The following PTPRT variants were observed in gnomAD, a reference collection of about 807,000 sequenced individuals.
PTPRT encodes the protein protein tyrosine phosphatase receptor type T.
A neutral mutation model predicts 176.8 loss-of-function variants in PTPRT; 56 were observed. The ratio of observed to expected loss-of-function variants is 0.32; its 90% confidence interval spans 0.26 to 0.40. The LOEUF (loss-of-function observed/expected upper bound fraction) is 0.40. Ranked by LOEUF, PTPRT falls within the 10% of genes least tolerant of loss-of-function variation. The probability of loss-of-function intolerance (pLI) is 1.00; values close to 1 mark genes in which losing one functional copy is unlikely to be tolerated. For synonymous variants in PTPRT, 783 were observed against 739.0 expected (o/e 1.06, Z -0.96); for missense variants, 1,540 against 1,908.2 (o/e 0.81, Z 3.60).
chr20:42,399,140 A>G (rs1439989463), intron 9 of PTPRT, among the ~76,000 whole-genome samples: 1 of 152,256 alleles, frequency 6.6e-6, no homozygotes, highest in Non-Finnish European at 1.5e-5. Flanking sequence ...CTATTAGTCA[A>G]AAAGATTCAC....
At chr20:43,064,354 T>C (rs1438769122) in intron 1 of PTPRT, among the ~76,000 whole-genome samples, 1 of 152,196 alleles carries the variant, frequency 6.6e-6, no homozygotes, top group Non-Finnish European at 1.5e-5. Context: ...TATAGTCCTC[T>C]GCCAGTCACA....
chr20:42,689,700 T>C (rs1171476654), intron 6 of PTPRT, among the ~76,000 whole-genome samples: 2 of 152,098 alleles, frequency 1.3e-5, no homozygotes, highest in Non-Finnish European at 2.9e-5. Context: ...ATCCTGGATA[T>C]GTAGTATCCT....
At chr20:42,848,869 G>A (rs1217420579) in intron 2 of PTPRT, among the ~76,000 whole-genome samples, 1 of 152,006 alleles carries the variant, frequency 6.6e-6, no homozygotes, top group East Asian at 1.9e-4. Flanking sequence ...TTGGGTTCTT[G>A]GTCATGAAGT....
chr20:42,673,796 T>C (rs1243712612), intron 7 of PTPRT, among the ~76,000 whole-genome samples: 1 of 152,200 alleles, frequency 6.6e-6, no homozygotes, highest in Non-Finnish European at 1.5e-5. Context: ...ATTCAGTCTA[T>C]AGCAATACTG....
At chr20:42,824,954 C>T (rs1416377725) in intron 2 of PTPRT, among the ~76,000 whole-genome samples, 4 of 151,888 alleles carry the variant, frequency 2.6e-5, no homozygotes, top group African/African-American at 9.7e-5. Context: ...AGATAATTCA[C>T]AGAGGACAAA....
chr20:42,549,313 G>C lies in PTPRT; in HGVS notation c.1154-76751C>G, dbSNP rs560821409. Among the ~76,000 whole-genome samples the C allele has an allele frequency of 2.6e-5, 4 of 152,060 alleles. No homozygotes were observed. In the South Asian group the frequency reaches 8.3e-4, roughly 32 times the overall value. On this transcript the variant is annotated intron_variant, in intron 7 of 30. Coordinates refer to ENST00000373187, the MANE Select transcript of PTPRT (RefSeq NM_007050.6). ...AAATAGTACTGATTGAAAAAAAAAG[G>C]GTGAAGTAGAATGAGTGATAAATGA...
intron 6 of PTPRT, among the ~76,000 whole-genome samples, chr20:42,737,019 T>C (rs1175328034): frequency 1.3e-5 from 2 of 152,170 alleles, no homozygotes; most frequent in Admixed American, 6.5e-5. Context: ...GATTTCAAAT[T>C]CATGAAAGCC....
chr20:42,296,996 T>A (rs2057397177), intron 12 of PTPRT, among the ~76,000 whole-genome samples: 1 of 150,340 alleles, frequency 6.7e-6, no homozygotes. Context: ...ATTTAAAAAA[T>A]TTCAAAAAAA....
chr20:42,790,405 A>ATTTT (rs11475849), intron 3 of PTPRT, among the ~76,000 whole-genome samples: 1 of 147,586 alleles, frequency 6.8e-6, no homozygotes, highest in African/African-American at 2.5e-5. Context: ...CATTGCCATG[A>ATTTT]TTTTTTTTTT....
chr20:42,942,301 C>T (rs1014182676), intron 1 of PTPRT, among the ~76,000 whole-genome samples: 5 of 152,176 alleles, frequency 3.3e-5, no homozygotes, highest in African/African-American at 4.8e-5. Context: ...AAAGGTAGGT[C>T]ATTTTAACAC....
At chr20:42,404,191 C>CAATGAAAA (rs1297157187) in intron 9 of PTPRT, among the ~76,000 whole-genome samples, 2 of 152,074 alleles carry the variant, frequency 1.3e-5, no homozygotes, top group African/African-American at 4.8e-5. Flanking sequence ...GAGTTCTCAC[C>CAATGAAAA]AATGAAAAAG....
rs541876938 is a variant in PTPRT, at chr20:42,783,984, C to G, written c.487-3685G>C. On this transcript the variant is annotated intron_variant, in intron 3 of 30. Coordinates refer to ENST00000373187, the MANE Select transcript of PTPRT (RefSeq NM_007050.6). ...GAGCAGAGGGCCCAGGCTGAGAATT[C>G]CAACGTCTCTGTAGATGCTCTTCAG... Among the ~76,000 whole-genome samples, 4 of 152,260 alleles carry G rather than the reference C, an allele frequency of 2.6e-5. No homozygotes were observed. In the East Asian group the frequency reaches 7.7e-4, roughly 29 times the overall value.
chr20:42,620,589 C>A (rs533846164), intron 7 of PTPRT, among the ~76,000 whole-genome samples: 1 of 151,962 alleles, frequency 6.6e-6, no homozygotes, highest in South Asian at 2.1e-4. Context: ...TAGCAGTCAG[C>A]GAGATTCCGT....
At chr20:42,530,120 C>T (rs2072355130) in intron 7 of PTPRT, among the ~76,000 whole-genome samples, 1 of 152,200 alleles carries the variant, frequency 6.6e-6, no homozygotes, top group South Asian at 2.1e-4. Context: ...TTGATTTCAT[C>T]TATCTTGAGA....
rs543788243 is a variant in PTPRT at position 42,898,965 on chromosome 20, C to T, written c.89-13033G>A. 2.0e-5 allele frequency among the ~76,000 whole-genome samples: 3 copies of T among 152,218 alleles called. No individual in the cohort carries two copies. The East Asian group carries it at 5.8e-4, about 30-fold the overall frequency. ...AGTCCAACCAGCCTGAAAAGTGGTC[C>T]CGCCCAACCCAGTGAGTCTTCTTTC... On this transcript the variant is annotated intron_variant, in intron 1 of 30. Coordinates refer to ENST00000373187, the MANE Select transcript of PTPRT (RefSeq NM_007050.6).
intron 11 of PTPRT, among the ~76,000 whole-genome samples, chr20:42,337,350 T>C (rs2058054856): frequency 6.6e-6 from 1 of 152,190 alleles, no homozygotes; most frequent in Non-Finnish European, 1.5e-5. Context: ...CATCAGAACC[T>C]ACAAGAGCTA....
intron 7 of PTPRT, among the ~76,000 whole-genome samples, chr20:42,519,955 T>A (rs1290352698): frequency 6.6e-6 from 1 of 152,144 alleles, no homozygotes; most frequent in Non-Finnish European, 1.5e-5. Context: ...AATTTAGAAT[T>A]ATTGTACCTG....
rs771381528 is a variant in PTPRT, at chr20:42,791,248, C to T, written c.433G>A (p.Gly145Ser). The stretch of plus-strand genomic sequence containing the variant: ...ATGGCGAGCTCTGCCTTCACCCAGC[C>T]CTCAGTGACGACCCCGGACACATTC... ...VWNVSGVVTE[G>S]WVKAELAIST... The change falls in exon 3 of 31, where the codon GGC becomes AGC. Residue 145 changes from glycine (G) to serine (S), a missense_variant. Gly to Ser is a moderately conservative substitution (Grantham distance 56). This residue lies in a region of PTPRT where 273 missense variants were observed against 432.1 expected (regional missense o/e 0.63). Coordinates refer to ENST00000373187, the MANE Select transcript of PTPRT (RefSeq NM_007050.6). 1.5e-5 allele frequency: 24 copies of T among 1,611,826 alleles called. No homozygotes were observed. The highest frequency in any genetic ancestry group is 2.0e-5 in the Non-Finnish European group (24 of 1,178,228).
intron 1 of PTPRT, among the ~76,000 whole-genome samples, chr20:43,045,237 C>T (rs964857217): frequency 6.6e-6 from 1 of 152,174 alleles, no homozygotes; most frequent in Non-Finnish European, 1.5e-5. Flanking sequence ...GAGTTAGTAG[C>T]ATTCCTTCCA....
Sources: gnomAD v4.1 joint callset for allele counts (sites outside exome capture counted in the v4.1 genomes callset) on GRCh38, gnomAD v4.1.1 for gene constraint, gnomAD v4.1.1 regional missense constraint, MANE v1.5 for transcripts, NCBI Gene and HGNC (gene_info 2026-07-23, HGNC 2026-07-21) for gene names.